The following MARCHF1 variants were observed in gnomAD, a reference collection of about 807,000 sequenced individuals.
The protein encoded by MARCHF1 is E3 ubiquitin-protein ligase MARCHF1.
MARCHF1 carries 40 observed loss-of-function variants against 54.2 expected under a neutral mutation model. The observed-to-expected ratio is 0.74, with a 90% CI of 0.57 to 0.96. The LOEUF is 0.96. MARCHF1 is among the 40% of genes least tolerant of loss of function. MARCHF1 has a pLI of 0.00. For missense variants in MARCHF1, 586 were observed against 656.5 expected (o/e 0.89, Z 1.17); for synonymous variants, 236 against 236.3 (o/e 1.00, Z 0.01).
chr4:164,346,760 G>A (rs572391793), intron 1 of MARCHF1, among the ~76,000 whole-genome samples: 3 of 151,072 alleles, frequency 2.0e-5, no homozygotes, highest in South Asian at 2.1e-4. Context: ...GCTTTATTGT[G>A]CAGCACCTAG....
chr4:163,900,787 G>T (rs183734219), intron 3 of MARCHF1, among the ~76,000 whole-genome samples: 2 of 152,062 alleles, frequency 1.3e-5, no homozygotes, highest in African/African-American at 4.8e-5. Context: ...TAGGTACTGA[G>T]GGAATATTGA....
rs192215850 is a variant in MARCHF1, at chr4:163,550,945, C to A, written c.1192-5202G>T. ...ATGGGGACCCTGTAATGTGCTTTAA[C>A]AAGCCCTCAGGTGATTCCGATGCAA... On this transcript the variant is annotated intron_variant, in intron 8 of 9. Transcript: ENST00000514618. Among the ~76,000 whole-genome samples, 140 of 152,278 alleles carry A rather than the reference C, an allele frequency of 9.2e-4. 1 individual carries two copies. Among genetic ancestry groups the A allele is most frequent in the African/African-American group, 3.3e-3 (138 of 41,558 alleles).
intron 8 of MARCHF1, among the ~76,000 whole-genome samples, chr4:163,582,689 A>T (rs1350147009): frequency 1.3e-5 from 2 of 152,180 alleles, no homozygotes; most frequent in African/African-American, 4.8e-5. Flanking sequence ...ACCAAGTTGA[A>T]GGCAATTAAT....
intron 1 of MARCHF1, among the ~76,000 whole-genome samples, chr4:164,201,034 A>G (rs1179251318): frequency 1.3e-5 from 2 of 152,212 alleles, no homozygotes; most frequent in Admixed American, 6.5e-5. Context: ...ACTTGCCTAA[A>G]AAGAGTGAGC....
intron 1 of MARCHF1, among the ~76,000 whole-genome samples, chr4:164,200,091 C>T (rs1731412743): frequency 6.6e-6 from 1 of 152,206 alleles, no homozygotes; most frequent in Non-Finnish European, 1.5e-5. Context: ...TGGGTGACTG[C>T]ATTCGGAGAA....
At chr4:164,069,806 C>T (rs1335939286) in intron 2 of MARCHF1, among the ~76,000 whole-genome samples, 3 of 152,182 alleles carry the variant, frequency 2.0e-5, no homozygotes, top group Admixed American at 6.5e-5. Context: ...AAAAAAGACA[C>T]ATGAACTTGT....
At chr4:163,672,397 A>G (rs1743768319) in intron 5 of MARCHF1, among the ~76,000 whole-genome samples, 2 of 152,108 alleles carry the variant, frequency 1.3e-5, no homozygotes, top group Non-Finnish European at 2.9e-5. Context: ...GAAGCTCTTT[A>G]AAAGTTCCTG....
At chr4:164,241,668 G>T (rs545753491) in intron 1 of MARCHF1, among the ~76,000 whole-genome samples, 49 of 152,022 alleles carry the variant, frequency 3.2e-4, no homozygotes, top group Admixed American at 5.9e-4. Context: ...AGCTCCCAGC[G>T]TGAGCTACGC....
intron 3 of MARCHF1, among the ~76,000 whole-genome samples, chr4:163,936,543 G>C (rs558779811): frequency 6.6e-6 from 1 of 152,318 alleles, no homozygotes; most frequent in Admixed American, 6.5e-5. Flanking sequence ...TCAGATCTCT[G>C]AGGATGGTGT....
intron 7 of MARCHF1, among the ~76,000 whole-genome samples, chr4:163,605,740 G>A (rs1696857741): frequency 6.6e-6 from 1 of 152,168 alleles, no homozygotes; most frequent in Admixed American, 6.5e-5. Context: ...AAAAGGATGA[G>A]TTCACGTCCT....
intron 1 of MARCHF1, among the ~76,000 whole-genome samples, chr4:164,310,760 A>G (rs1267790123): frequency 6.6e-6 from 1 of 152,186 alleles, no homozygotes; most frequent in East Asian, 1.9e-4. Context: ...AAACAACAGA[A>G]ATATAGCTTC....
rs932823348 is a variant in MARCHF1, at chr4:163,637,284, G to A, written c.163-23891C>T. 3.3e-3 allele frequency among the ~76,000 whole-genome samples: 506 copies of A among 152,182 alleles called. 1 individual carries two copies. The highest frequency in any genetic ancestry group is 5.6e-3 in the Non-Finnish European group (382 of 68,012). ...ACTAAAGAGCTTCTGCACAGCAAAA[G>A]AAACTACCATCAGAGTGAACAGGCA... is the stretch of plus-strand genomic sequence containing the variant. On this transcript the variant is annotated intron_variant, in intron 5 of 9. Coordinates refer to ENST00000514618, the MANE Select transcript of MARCHF1 (RefSeq NM_001394959.1).
chr4:164,085,059 C>T (rs539475057), intron 2 of MARCHF1, among the ~76,000 whole-genome samples: 1 of 151,800 alleles, frequency 6.6e-6, no homozygotes, highest in South Asian at 2.1e-4. Flanking sequence ...TCAACCAGTC[C>T]ATTTAATAAG....
chr4:163,827,740 T>C (rs189723497), intron 4 of MARCHF1, among the ~76,000 whole-genome samples: 114 of 152,242 alleles, frequency 7.5e-4, no homozygotes, highest in African/African-American at 2.7e-3. Context: ...TATTAATTCT[T>C]TGTATACTAT....
chr4:163,894,608 T>TATATATATATGCATGTGATGC (rs1750739283), intron 3 of MARCHF1, among the ~76,000 whole-genome samples: 6 of 125,084 alleles, frequency 4.8e-5, no homozygotes, highest in South Asian at 2.5e-4. Flanking sequence ...ATGTGATGCA[T>TATATATATATGCATGTGATGC]ATATATATAT....
At chr4:164,082,650 G>T (rs1336493563) in intron 2 of MARCHF1, among the ~76,000 whole-genome samples, 1 of 151,952 alleles carries the variant, frequency 6.6e-6, no homozygotes, top group African/African-American at 2.4e-5. Context: ...CAAGTAATTG[G>T]GCATCATATG....
chr4:163,900,029 A>G (rs1395742002), intron 3 of MARCHF1, among the ~76,000 whole-genome samples: 1 of 151,710 alleles, frequency 6.6e-6, no homozygotes, highest in Non-Finnish European at 1.5e-5. Flanking sequence ...TTCTCAGGAG[A>G]CCTTCAGTGA....
At chr4:163,820,392 C>G (rs932373546) in intron 4 of MARCHF1, among the ~76,000 whole-genome samples, 1 of 151,998 alleles carries the variant, frequency 6.6e-6, no homozygotes, top group Non-Finnish European at 1.5e-5. Flanking sequence ...CACTACTTGG[C>G]CATTCAAATT....
intron 1 of MARCHF1, among the ~76,000 whole-genome samples, chr4:164,126,030 A>C (rs1756172254): frequency 6.6e-6 from 1 of 152,336 alleles, no homozygotes; most frequent in African/African-American, 2.4e-5. Context: ...GTAAGTTTGA[A>C]GAAGATCAAG....
Sources: gnomAD v4.1 joint callset for allele counts (sites outside exome capture counted in the v4.1 genomes callset) on GRCh38, gnomAD v4.1.1 for gene constraint, MANE v1.5 for transcripts, NCBI Gene and HGNC (gene_info 2026-07-23, HGNC 2026-07-21) for gene names.